Variants in STK3 observed in about 807,000 individuals in gnomAD.
The protein encoded by STK3 is serine/threonine kinase 3, also known as serine/threonine-protein kinase 3.
In STK3, 41 loss-of-function variants were observed where a neutral mutation model predicts 58.0. The observed-to-expected ratio is 0.71, with a 90% CI of 0.55 to 0.92. The LOEUF is 0.92. Among genes scored for constraint, STK3 ranks in the 40% least tolerant of loss-of-function variants. STK3 has a pLI of 0.00. For synonymous variants in STK3, 170 were observed against 191.0 expected, an observed-to-expected ratio of 0.89 and a Z score of 0.91; for missense variants, 479 against 602.7, an observed-to-expected ratio of 0.79 and a Z score of 2.15.
At chr8:98,354,515 A>T in the STK3 span, among the ~76,000 whole-genome samples, 1 of 152,204 alleles carries the variant, frequency 6.6e-6, no homozygotes. Context: ...TGATGATTTC[A>T]TCAACTTGCT....
At chr8:98,469,352 A>C (rs1328499512) in intron 10 of STK3, among the ~76,000 whole-genome samples, 6 of 151,882 alleles carry the variant, frequency 4.0e-5, no homozygotes, top group Non-Finnish European at 8.8e-5. Flanking sequence ...TCAAAATTTT[A>C]TCTCTAATAA....
intron 8 of STK3, among the ~76,000 whole-genome samples, chr8:98,575,928 T>C (rs1813359882): frequency 6.6e-6 from 1 of 152,262 alleles, no homozygotes; most frequent in South Asian, 2.1e-4. Flanking sequence ...TTGTTATTTC[T>C]GCTTTAGTAT....
chr8:98,837,774 A>C (rs954523357), intron 3 of STK3, among the ~76,000 whole-genome samples: 4 of 152,122 alleles, frequency 2.6e-5, no homozygotes, highest in African/African-American at 9.7e-5. Context: ...TACCAAAAAA[A>C]TGTAAAAGTC....
intron 2 of STK3, among the ~76,000 whole-genome samples, chr8:98,378,304 T>C (rs1817696064): frequency 6.6e-6 from 1 of 152,194 alleles, no homozygotes; most frequent in Non-Finnish European, 1.5e-5. Context: ...ACTTGGCTTC[T>C]TGAAGAGTTA....
chr8:98,907,456 T>A (rs937369048), intron 1 of STK3, among the ~76,000 whole-genome samples: 5 of 151,994 alleles, frequency 3.3e-5, no homozygotes, highest in African/African-American at 9.7e-5. Context: ...GAAGTTACAG[T>A]GAGCCGAGAT....
intron 10 of STK3, among the ~76,000 whole-genome samples, chr8:98,487,312 T>C (rs1400178318): frequency 6.6e-6 from 1 of 152,240 alleles, no homozygotes; most frequent in Non-Finnish European, 1.5e-5. Flanking sequence ...GAGGGGACTA[T>C]GTTGTGTTAC....
chr8:98,913,962 C>T (rs1422681464), intron 1 of STK3, among the ~76,000 whole-genome samples: 1 of 151,946 alleles, frequency 6.6e-6, no homozygotes, highest in African/African-American at 2.4e-5. Flanking sequence ...TTCTATGATA[C>T]TTTAGTTTGT....
intron 9 of STK3, among the ~76,000 whole-genome samples, chr8:98,538,783 C>T (rs575468093): frequency 6.6e-6 from 1 of 152,186 alleles, no homozygotes; most frequent in South Asian, 2.1e-4. Flanking sequence ...ATGCATACAC[C>T]AGCAGGTCTG....
intron 10 of STK3, among the ~76,000 whole-genome samples, chr8:98,514,031 G>A (rs141314546): frequency 1.7e-3 from 263 of 152,264 alleles, no homozygotes; most frequent in Non-Finnish European, 3.3e-3. Context: ...TTATGCCAGA[G>A]TGAGACCCAC....
At chr8:98,829,598 G>A (rs536626416), upstream of STK3, among the ~76,000 whole-genome samples, 1 of 152,310 alleles carries the variant, frequency 6.6e-6, no homozygotes, top group East Asian at 1.9e-4. Context: ...TTTTATAGGT[G>A]AGAAAACTGA....
At chr8:98,761,299 A>AT (rs1234257229) in intron 3 of STK3, among the ~76,000 whole-genome samples, 9 of 150,994 alleles carry the variant, frequency 6.0e-5, no homozygotes, top group East Asian at 1.9e-4. Context: ...GAATTTTTGT[A>AT]TTTTTTTTAG....
intron 3 of STK3, among the ~76,000 whole-genome samples, chr8:98,423,106 A>C (rs1283073593): frequency 6.6e-6 from 1 of 152,216 alleles, no homozygotes; most frequent in Non-Finnish European, 1.5e-5. Flanking sequence ...TTCTTGATGC[A>C]TCAGGAGGAA....
At chr8:98,718,785 T>C (rs1827204355) in intron 4 of STK3, among the ~76,000 whole-genome samples, 2 of 152,072 alleles carry the variant, frequency 1.3e-5, no homozygotes, top group Admixed American at 1.3e-4. Flanking sequence ...TTATATAATA[T>C]TGTTATTTAT....
At chr8:98,417,800 C>T (rs913833250) in intron 3 of STK3, among the ~76,000 whole-genome samples, 1 of 152,218 alleles carries the variant, frequency 6.6e-6, no homozygotes, top group Non-Finnish European at 1.5e-5. Context: ...CCCAGCCAAG[C>T]ACCTGCCTAT....
At chr8:98,538,418 A>G (rs1809963664) in intron 9 of STK3, among the ~76,000 whole-genome samples, 1 of 152,212 alleles carries the variant, frequency 6.6e-6, no homozygotes, top group South Asian at 2.1e-4. Context: ...TAATACCTGC[A>G]CAAAGGTTAA....
chr8:98,625,883 C>T (rs1253254371), intron 6 of STK3, among the ~76,000 whole-genome samples: 1 of 152,136 alleles, frequency 6.6e-6, no homozygotes, highest in Admixed American at 6.5e-5. Flanking sequence ...GGTGTACAGG[C>T]CTGCATAGGA....
intron 7 of STK3, chr8:98,595,307 CTT>C (rs1352086219): frequency 1.4e-5 from 2 of 144,334 alleles, no homozygotes; most frequent in Non-Finnish European, 3.0e-5. Flanking sequence ...TTTTTTTTTC[CTT>C]TTTTCTTTTT....
Position 98,706,557 on chromosome 8 carries a change from A to G in STK3, c.594T>C (p.Tyr198=). ...MAPEVIQEIG[Y]NCVADIWSLG... Reference sequence around the variant, plus strand: ...GGGACCAGATGTCGGCCACACAGTTATAGCCTATTTCTTGAATCACCTCAG... The same window carrying G: ...GGGACCAGATGTCGGCCACACAGTTGTAGCCTATTTCTTGAATCACCTCAG... The change falls in exon 6 of 11, where the codon TAT becomes TAC. Residue 198 remains tyrosine (Y), a synonymous_variant. Coordinates refer to ENST00000419617, the MANE Select transcript of STK3 (RefSeq NM_006281.4). The G allele has an allele frequency of 6.2e-7, 1 of 1,613,898 alleles. No homozygotes were observed. The highest frequency in any genetic ancestry group is 2.2e-5 in the East Asian group (1 of 44,862).
At chr8:98,514,856 A>T (rs1185617645) in intron 10 of STK3, among the ~76,000 whole-genome samples, 3 of 152,134 alleles carry the variant, frequency 2.0e-5, no homozygotes, top group Non-Finnish European at 4.4e-5. Flanking sequence ...AACTCTATAC[A>T]TCCATAACAT....
Sources: gnomAD v4.1 joint callset for allele counts (sites outside exome capture counted in the v4.1 genomes callset) on GRCh38, gnomAD v4.1.1 for gene constraint, MANE v1.5 for transcripts, NCBI Gene and HGNC (gene_info 2026-07-23, HGNC 2026-07-21) for gene names.